PCDHGC3: variants seen among roughly 807,000 people sequenced by gnomAD.
The protein encoded by PCDHGC3 is protocadherin gamma subfamily C, 3, also known as protocadherin gamma-C3.
Under a neutral mutation model 59.2 loss-of-function variants are expected in PCDHGC3, and 26 were observed. That is an observed-to-expected ratio of 0.44 (90% CI 0.32 to 0.61). PCDHGC3 has a LOEUF of 0.61. PCDHGC3 is among the 20% of genes least tolerant of loss of function. PCDHGC3 has a pLI of 0.05. For synonymous variants in PCDHGC3, 487 were observed against 519.7 expected (o/e 0.94, Z 0.86); for missense variants, 1,080 against 1,221.8 (o/e 0.88, Z 1.73).
chr5:141,479,651 C>A (rs56818742), intron 1 of PCDHGC3: 43,954 of 152,194 alleles, frequency 0.29, 6,853 homozygotes, highest in African/African-American at 0.41. Flanking sequence ...ACAACAACAA[C>A]AATCCCAGAA....
intron 1 of PCDHGC3, among the ~76,000 whole-genome samples, chr5:141,484,184 AG>A (rs1328674334): frequency 6.6e-6 from 1 of 152,244 alleles, no homozygotes; most frequent in Non-Finnish European, 1.5e-5. Flanking sequence ...CAATCATTCA[AG>A]GAAGCTATTA....
rs202183643 is a variant in PCDHGC3 at position 141,490,646 on chromosome 5, C to T, written c.2431-4161C>T. 9 of 1,614,186 alleles carry T rather than the reference C, an allele frequency of 5.6e-6. No homozygotes were observed. Among genetic ancestry groups the T allele is most frequent in the African/African-American group, 2.7e-5 (2 of 75,054 alleles). ...GCTTACATCCTAGAAAACCGGCCTC[C>T]GGGCTCCCTTCTTTGCACTGTGGCT... On this transcript the variant is annotated intron_variant, in intron 1 of 3. Transcript: ENST00000308177. The surrounding 1 kb of genome is among the most constrained non-coding windows in gnomAD (Gnocchi z 5.4).
At chr5:141,494,991 G>A in intron 2 of PCDHGC3, 126 bp downstream of exon 2, 1 of 1,551,148 alleles carries the variant, frequency 6.4e-7, no homozygotes, top group Non-Finnish European at 8.7e-7. Context: ...AGATCCCAGG[G>A]AGGTCTTGGT....
At position 141,486,694 on chromosome 5, in the gene PCDHGC3, C is replaced by T. The variant is rs1275794121; in HGVS notation, c.2431-8113C>T. ...ATCGAGATGTATCAGCTTCCTCTTTCATCTCTCTGAACCCCCAGACAGGAG... is the reference window on the plus strand; with the variant it reads ...ATCGAGATGTATCAGCTTCCTCTTTTATCTCTCTGAACCCCCAGACAGGAG... On this transcript the variant is annotated intron_variant, in intron 1 of 3. Transcript: ENST00000308177. This position sits in a 1 kb window ranked among gnomAD's most constrained non-coding sequence, Gnocchi z 5.0. 1.2e-6 allele frequency: 2 copies of T among 1,614,168 alleles called. No individual in the cohort carries two copies. Among genetic ancestry groups the T allele is most frequent in the Non-Finnish European group, 1.7e-6 (2 of 1,180,044 alleles).
chr5:141,485,949 T>C lies in PCDHGC3; in HGVS notation c.2430+7403T>C. Reference sequence around the variant, plus strand: ...GTGTTGGAGAGCGCACCAGCGGGCATGGTGCTCATCCAGCTCAATGCCTCA... The same window carrying C: ...GTGTTGGAGAGCGCACCAGCGGGCACGGTGCTCATCCAGCTCAATGCCTCA... On this transcript the variant is annotated intron_variant, in intron 1 of 3. Transcript: ENST00000308177. This position sits in a 1 kb window ranked among gnomAD's most constrained non-coding sequence, Gnocchi z 5.7. 2 of 1,614,178 alleles carry C rather than the reference T, an allele frequency of 1.2e-6. No individual in the cohort carries two copies.
At position 141,491,692 on chromosome 5, in the gene PCDHGC3, C is replaced by A. The variant is rs749349869; in HGVS notation, c.2431-3115C>A. The A allele has an allele frequency of 6.2e-7, 1 of 1,612,592 alleles. No homozygotes were observed. Among genetic ancestry groups the A allele is most frequent in the Non-Finnish European group, 8.5e-7 (1 of 1,179,338 alleles). On this transcript the variant is annotated intron_variant, in intron 1 of 3. Coordinates refer to ENST00000308177, the MANE Select transcript of PCDHGC3 (RefSeq NM_002588.4). This position sits in a 1 kb window ranked among gnomAD's most constrained non-coding sequence, Gnocchi z 6.9. ...GTCCCGCTCTAATACGCTGCGGGAG[C>A]GGAGCCAGGTGAGGGGCTCGGCGCC...
At chr5:141,492,993 G>A (rs952802686) in intron 1 of PCDHGC3, among the ~76,000 whole-genome samples, 5 of 152,216 alleles carry the variant, frequency 3.3e-5, no homozygotes, top group African/African-American at 1.2e-4. Flanking sequence ...CTGGCAGATG[G>A]AAAGCTATAG....
At chr5:141,481,638 T>G (rs1465682432) in intron 1 of PCDHGC3, among the ~76,000 whole-genome samples, 1 of 152,014 alleles carries the variant, frequency 6.6e-6, no homozygotes, top group Admixed American at 6.6e-5. Context: ...GCCAACATGG[T>G]GAAACTTCAT....
chr5:141,481,065 AAAAG>A (rs1476331686), intron 1 of PCDHGC3, among the ~76,000 whole-genome samples: 1 of 152,164 alleles, frequency 6.6e-6, no homozygotes, highest in Non-Finnish European at 1.5e-5. Flanking sequence ...CTCAAAAACA[AAAAG>A]AAAGAAAGAA....
At chr5:141,496,249 A>G (rs1385823714) in intron 2 of PCDHGC3, among the ~76,000 whole-genome samples, 1 of 152,078 alleles carries the variant, frequency 6.6e-6, no homozygotes, top group East Asian at 1.9e-4. Context: ...GCTGAAGGGG[A>G]GGGAAACTTC....
In PCDHGC3 at chr5:141,491,721, C is replaced by T. The variant is rs761584159; in HGVS notation, c.2431-3086C>T. On this transcript the variant is annotated intron_variant, in intron 1 of 3. Transcript: ENST00000308177. The surrounding 1 kb of genome is among the most constrained non-coding windows in gnomAD (Gnocchi z 6.9). The stretch of plus-strand genomic sequence containing the variant: ...GCCAGGTGAGGGGCTCGGCGCCGCC[C>T]CGGGCGACCCCTGGGGGCGGCACTG... 3 of 1,607,250 alleles carry T rather than the reference C, an allele frequency of 1.9e-6. No homozygotes were observed. Among genetic ancestry groups the T allele is most frequent in the Admixed American group, 1.7e-5 (1 of 58,860 alleles).
Position 141,491,947 on chromosome 5 carries a change from C to T in PCDHGC3, c.2431-2860C>T. ...GGGGAGGTGGGACCGACCCCCACCCCTACACTCAAAAAAGGCCGGGGCCTC... is the reference window on the plus strand; with the variant it reads ...GGGGAGGTGGGACCGACCCCCACCCTTACACTCAAAAAAGGCCGGGGCCTC... On this transcript the variant is annotated intron_variant, in intron 1 of 3. Coordinates refer to ENST00000308177, the MANE Select transcript of PCDHGC3 (RefSeq NM_002588.4). The surrounding 1 kb of genome is among the most constrained non-coding windows in gnomAD (Gnocchi z 6.9). 1 of 1,114,210 alleles carries T rather than the reference C, an allele frequency of 9.0e-7. No individual in the cohort carries two copies. The highest frequency in any genetic ancestry group is 1.2e-6 in the Non-Finnish European group (1 of 815,758). 69.0% of individuals were successfully genotyped at this position (1,114,210 alleles called of 1,614,324 possible). A position where few individuals can be genotyped will look rare whatever the true frequency, so the allele number is the denominator to read the frequency against.
Position 141,487,399 on chromosome 5 carries a change from G to A in PCDHGC3, c.2431-7408G>A. 1.2e-6 allele frequency: 2 copies of A among 1,614,140 alleles called. No homozygotes were observed. Among genetic ancestry groups the A allele is most frequent in the South Asian group, 1.1e-5 (1 of 91,088 alleles). On this transcript the variant is annotated intron_variant, in intron 1 of 3. Coordinates refer to ENST00000308177, the MANE Select transcript of PCDHGC3 (RefSeq NM_002588.4). The surrounding 1 kb of genome is among the most constrained non-coding windows in gnomAD (Gnocchi z 5.0). ...TCACCAGATCTCGAAGGAGGGAGGGGCTTCCCCCTTCCAATGGGATCCTCC... is the reference window on the plus strand; with the variant it reads ...TCACCAGATCTCGAAGGAGGGAGGGACTTCCCCCTTCCAATGGGATCCTCC...
At position 141,477,830 on chromosome 5, in the gene PCDHGC3, C is replaced by T; in HGVS notation, c.1714C>T (p.Pro572Ser). ...TGCCCCCCAGGTCCTATATCCTCGG[C>T]CAGGTGGGAGCTCGGTGGAGATGCT... is the stretch of plus-strand genomic sequence containing the variant. ...DNAPQVLYPR[P>S]GGSSVEMLPR... The change falls in exon 1 of 4, where the codon CCA becomes TCA. Residue 572 changes from proline to serine, a missense_variant. Physicochemically the swap from Pro to Ser is moderately conservative, Grantham distance 74 (BLOSUM62 -1). Transcript: ENST00000308177. The surrounding 1 kb of genome is among the most constrained non-coding windows in gnomAD (Gnocchi z 4.9). 1 of 1,614,170 alleles carries T rather than the reference C, an allele frequency of 6.2e-7. No individual in the cohort carries two copies. Among genetic ancestry groups the T allele is most frequent in the Non-Finnish European group, 8.5e-7 (1 of 1,180,038 alleles).
At chr5:141,480,982 C>T (rs1258067957) in intron 1 of PCDHGC3, among the ~76,000 whole-genome samples, 1 of 152,150 alleles carries the variant, frequency 6.6e-6, no homozygotes, top group African/African-American at 2.4e-5. Context: ...TCAGTGAACC[C>T]AGGATGTGGA....
chr5:141,508,928 G>A (rs1475005703), intron 3 of PCDHGC3, among the ~76,000 whole-genome samples: 1 of 152,076 alleles, frequency 6.6e-6, no homozygotes, highest in East Asian at 1.9e-4. Flanking sequence ...TCCTTTTGGA[G>A]TTAATTAGGG....
Position 141,477,376 on chromosome 5 carries a change from G to A in PCDHGC3, c.1260G>A (p.Val420=). The A allele has an allele frequency of 6.2e-7, 1 of 1,614,146 alleles. No homozygotes were observed. Among genetic ancestry groups the A allele is most frequent in the Non-Finnish European group, 8.5e-7 (1 of 1,180,026 alleles). ...KTSADLDRET[V]PEYNLSITAR... is the part of the protein sequence containing the mutation. ...GTGCAGACCTGGATCGGGAGACTGT[G>A]CCAGAATACAACCTCAGCATCACCG... The change falls in exon 1 of 4, where the codon GTG becomes GTA. Residue 420 remains valine (V), a synonymous_variant. Transcript: ENST00000308177. This position sits in a 1 kb window ranked among gnomAD's most constrained non-coding sequence, Gnocchi z 4.9.
At position 141,491,872 on chromosome 5, in the gene PCDHGC3, G is replaced by A; in HGVS notation, c.2431-2935G>A. On this transcript the variant is annotated intron_variant, in intron 1 of 3. Transcript: ENST00000308177. The surrounding 1 kb of genome is among the most constrained non-coding windows in gnomAD (Gnocchi z 6.9). ...CCGTTTGCGCGAAACCAGAGTGGCCGATTAAGGGATGGGGCTCCGAGCACC... is the reference window on the plus strand; with the variant it reads ...CCGTTTGCGCGAAACCAGAGTGGCCAATTAAGGGATGGGGCTCCGAGCACC... 6.9e-7 allele frequency: 1 copy of A among 1,452,190 alleles called. No individual in the cohort carries two copies. The highest frequency in any genetic ancestry group is 9.1e-7 in the Non-Finnish European group (1 of 1,098,644). The allele number at this position is 1,452,190 out of a possible 1,614,324, so 90.0% of individuals were successfully genotyped here.
At chr5:141,483,801 C>CT (rs1486591615) in intron 1 of PCDHGC3, among the ~76,000 whole-genome samples, 8 of 152,168 alleles carry the variant, frequency 5.3e-5, no homozygotes, top group Non-Finnish European at 8.8e-5. Flanking sequence ...GTTGTTGCTG[C>CT]TTTTTTTGGC....
Sources: allele counts gnomAD v4.1 joint callset (sites outside exome capture counted in the v4.1 genomes callset), GRCh38; gene constraint gnomAD v4.1.1; non-coding constraint Gnocchi (gnomAD v3.1); transcripts MANE v1.5; gene names NCBI Gene and HGNC (gene_info 2026-07-23, HGNC 2026-07-21).